Variants in B4GALT1 observed in about 807,000 individuals in gnomAD.
B4GALT1 encodes beta-1,4-galactosyltransferase 1, also known as N-acetyllactosamine synthase.
Under a neutral mutation model 34.9 loss-of-function variants are expected in B4GALT1, and 16 were observed. That is an observed-to-expected ratio of 0.46 (90% CI 0.31 to 0.70). B4GALT1 has a LOEUF of 0.70. Among genes scored for constraint, B4GALT1 ranks in the 30% least tolerant of loss-of-function variants. B4GALT1 has a pLI of 0.05. For missense variants in B4GALT1, 445 were observed against 530.5 expected, an observed-to-expected ratio of 0.84 and a Z score of 1.58; for synonymous variants, 221 against 218.1, an observed-to-expected ratio of 1.01 and a Z score of -0.12.
At chr9:33,184,065 T>C in the B4GALT1 span, among the ~76,000 whole-genome samples, 2 of 151,882 alleles carry the variant, frequency 1.3e-5, no homozygotes, top group African/African-American at 4.8e-5. Flanking sequence ...AAATACCTAA[T>C]GTAGGTGATG....
chr9:33,155,061 G>A (rs750999371), intron 1 of B4GALT1, among the ~76,000 whole-genome samples: 2 of 152,088 alleles, frequency 1.3e-5, no homozygotes, highest in Non-Finnish European at 1.5e-5. Flanking sequence ...GCACTCAATG[G>A]TCCTACCACA....
intron 1 of B4GALT1, among the ~76,000 whole-genome samples, chr9:33,152,026 C>T (rs1255694973): frequency 1.3e-5 from 2 of 152,160 alleles, no homozygotes; most frequent in African/African-American, 4.8e-5. Flanking sequence ...CATAAAAATT[C>T]AAAACTTCTG....
At chr9:33,164,503 G>T (rs1439459742) in intron 1 of B4GALT1, among the ~76,000 whole-genome samples, 1 of 152,210 alleles carries the variant, frequency 6.6e-6, no homozygotes, top group Non-Finnish European at 1.5e-5. Flanking sequence ...CATGTCACAT[G>T]AAAGCAGCCA....
At chr9:33,125,540 G>A (rs988571447) in intron 2 of B4GALT1, among the ~76,000 whole-genome samples, 3 of 152,178 alleles carry the variant, frequency 2.0e-5, no homozygotes, top group Non-Finnish European at 4.4e-5. Context: ...AACAACCGTG[G>A]GTAAGCAGAC....
upstream of B4GALT1, among the ~76,000 whole-genome samples, chr9:33,169,414 A>G (rs13288380): frequency 0.1 from 15,166 of 151,904 alleles, 811 homozygotes; most frequent in Middle Eastern, 0.12. Flanking sequence ...TGTCCCCAAT[A>G]TTTCATTCAA....
intron 2 of B4GALT1, among the ~76,000 whole-genome samples, chr9:33,121,695 G>C (rs994274353): frequency 2.0e-5 from 3 of 152,132 alleles, no homozygotes; most frequent in Non-Finnish European, 2.9e-5. Flanking sequence ...CTCAATGAAG[G>C]TTAGGATGTT....
At chr9:33,149,526 T>A (rs941877593) in intron 1 of B4GALT1, among the ~76,000 whole-genome samples, 1 of 152,074 alleles carries the variant, frequency 6.6e-6, no homozygotes, top group Non-Finnish European at 1.5e-5. Context: ...CTCAAGCAAT[T>A]TGCCCGCCTC....
At chr9:33,128,111 C>T (rs1840140226) in intron 2 of B4GALT1, among the ~76,000 whole-genome samples, 1 of 152,204 alleles carries the variant, frequency 6.6e-6, no homozygotes, top group Non-Finnish European at 1.5e-5. Context: ...CTCTCTCTCT[C>T]TCTCTAGGAG....
chr9:33,113,592 A>T lies in B4GALT1; in HGVS notation c.1065-6T>A, dbSNP rs1362962561. 5 of 1,614,238 alleles carry T rather than the reference A, an allele frequency of 3.1e-6. No individual in the cohort carries two copies. The South Asian group carries it at 5.5e-5, about 18-fold the overall frequency. On this transcript the variant is annotated splice_region_variant and splice_polypyrimidine_tract_variant and intron_variant, in intron 5 of 5. Coordinates refer to ENST00000379731, the MANE Select transcript of B4GALT1 (RefSeq NM_001497.4). Reference sequence around the variant, plus strand: ...TGTGTGCAATTCGGTCAAACCTACAAGGAAAAGAGCACAAGGAGATTGTCT... The same window carrying T: ...TGTGTGCAATTCGGTCAAACCTACATGGAAAAGAGCACAAGGAGATTGTCT...
At chr9:33,146,040 A>C (rs1388165299) in intron 1 of B4GALT1, among the ~76,000 whole-genome samples, 1 of 152,244 alleles carries the variant, frequency 6.6e-6, no homozygotes, top group Admixed American at 6.5e-5. Flanking sequence ...ACTTCTGTCC[A>C]GTGGGGAAGC....
In B4GALT1 at chr9:33,111,276, A is replaced by AAAAAAAAAAAAAAAAAAAAAAC. The variant is rs1564033760; in HGVS notation, c.*2177_*2178insGTTTTTTTTTTTTTTTTTTTTT. On this transcript the variant is annotated 3_prime_UTR_variant, in exon 6 of 6. Coordinates refer to ENST00000379731, the MANE Select transcript of B4GALT1 (RefSeq NM_001497.4). ...AAAAAAAAAAAAAAAAAAAAAAAAA[A>AAAAAAAAAAAAAAAAAAAAAAC]AACAACAAGAAAAGGTAGAGTTTGG... The AAAAAAAAAAAAAAAAAAAAAAC allele has an allele frequency of 5.7e-5, 6 of 105,924 alleles. No individual in the cohort carries two copies. Among genetic ancestry groups the AAAAAAAAAAAAAAAAAAAAAAC allele is most frequent in the Admixed American group, 1.0e-4 (1 of 9,568 alleles). 6.6% of individuals were successfully genotyped at this position (105,924 alleles called of 1,614,324 possible).
chr9:33,107,831 A>G (rs1324757883), downstream of B4GALT1, among the ~76,000 whole-genome samples: 2 of 152,032 alleles, frequency 1.3e-5, no homozygotes, highest in Non-Finnish European at 2.9e-5. Context: ...CTGCCATCCT[A>G]AACACCTTCA....
chr9:33,170,409 G>A (rs1302786742), upstream of B4GALT1, among the ~76,000 whole-genome samples: 1 of 152,218 alleles, frequency 6.6e-6, no homozygotes, highest in East Asian at 1.9e-4. Context: ...GCTGACCCCA[G>A]CATCCTGTGT....
At chr9:33,127,318 C>T (rs911360744) in intron 2 of B4GALT1, among the ~76,000 whole-genome samples, 1 of 152,200 alleles carries the variant, frequency 6.6e-6, no homozygotes, top group Non-Finnish European at 1.5e-5. Flanking sequence ...GCCTGCCTCT[C>T]CCAGGGCCCG....
At chr9:33,132,494 G>A (rs73484568) in intron 2 of B4GALT1, among the ~76,000 whole-genome samples, 56,112 of 152,092 alleles carry the variant, frequency 0.37, 11,017 homozygotes, top group East Asian at 0.59. Context: ...AGCGTATTTC[G>A]CTCCATTTGG....
intron 4 of B4GALT1, among the ~76,000 whole-genome samples, chr9:33,115,054 T>C: frequency 6.6e-6 from 1 of 152,258 alleles, no homozygotes; most frequent in East Asian, 1.9e-4. Context: ...GTTTTCAGTG[T>C]CCTGGGCCTG....
At chr9:33,178,334 T>C in the B4GALT1 span, among the ~76,000 whole-genome samples, 1 of 152,114 alleles carries the variant, frequency 6.6e-6, no homozygotes, top group South Asian at 2.1e-4. Flanking sequence ...TATACAGTGA[T>C]ACATAGCTAC....
At chr9:33,124,127 AT>A (rs1222513090) in intron 2 of B4GALT1, among the ~76,000 whole-genome samples, 2 of 152,168 alleles carry the variant, frequency 1.3e-5, no homozygotes, top group Non-Finnish European at 2.9e-5. Context: ...AAAGTCAAGC[AT>A]TTTCTAGGCT....
chr9:33,165,039 C>T (rs1840729058), intron 1 of B4GALT1, among the ~76,000 whole-genome samples: 1 of 135,406 alleles, frequency 7.4e-6, no homozygotes, highest in Non-Finnish European at 1.5e-5. Context: ...CTGGCACAAT[C>T]TTGACTCACT....
Sources: allele counts gnomAD v4.1 joint callset (sites outside exome capture counted in the v4.1 genomes callset), GRCh38; gene constraint gnomAD v4.1.1; transcripts MANE v1.5; gene names NCBI Gene and HGNC (gene_info 2026-07-23, HGNC 2026-07-21).